Variants in SND1 observed in about 807,000 individuals in gnomAD.
SND1 encodes staphylococcal nuclease domain-containing protein 1.
A neutral mutation model predicts 121.7 loss-of-function variants in SND1; 38 were observed. That is an observed-to-expected ratio of 0.31 (90% CI 0.24 to 0.41). The LOEUF is 0.41. Ranked by LOEUF, SND1 falls within the 10% of genes least tolerant of loss-of-function variation. SND1 has a pLI of 1.00. For missense variants in SND1, 868 were observed against 1,184.6 expected (o/e 0.73, Z 3.92); for synonymous variants, 401 against 447.4 (o/e 0.90, Z 1.31).
intron 10 of SND1, among the ~76,000 whole-genome samples, chr7:127,739,493 CCCTGG>C (rs1236841885): frequency 6.6e-6 from 1 of 152,136 alleles, no homozygotes; most frequent in Non-Finnish European, 1.5e-5. Flanking sequence ...TTCTGCCCTC[CCCTGG>C]CCTGCATCCT....
chr7:127,938,250 A>G (rs1801106884), intron 15 of SND1, among the ~76,000 whole-genome samples: 1 of 152,244 alleles, frequency 6.6e-6, no homozygotes, highest in Non-Finnish European at 1.5e-5. Context: ...AATTAACACA[A>G]TGAACAGATT....
At chr7:128,034,822 C>T (rs186563902) in intron 16 of SND1, among the ~76,000 whole-genome samples, 1 of 152,344 alleles carries the variant, frequency 6.6e-6, no homozygotes, top group East Asian at 1.9e-4. Flanking sequence ...CGTCGTTGCA[C>T]ACAGCCCTTC....
chr7:128,079,075 G>A (rs1793555865), intron 17 of SND1, among the ~76,000 whole-genome samples: 1 of 152,262 alleles, frequency 6.6e-6, no homozygotes, highest in South Asian at 2.1e-4. Context: ...GAGGCCGAGT[G>A]AGTCCCACTG....
At position 127,807,699 on chromosome 7, in the gene SND1, A is replaced by G. The variant is rs545649082; in HGVS notation, c.1242+126A>G. The G allele has an allele frequency of 3.0e-5, 22 of 734,574 alleles. 1 individual carries two copies. The highest frequency in any genetic ancestry group is 4.7e-5 in the Non-Finnish European group (20 of 421,070). 45.5% of individuals were successfully genotyped at this position (734,574 alleles called of 1,614,324 possible). ...CTTCTCCATCAAGTCAAATGGAATT[A>G]CTTTGATATGAAGAGAGGCGTGTTT... On this transcript the variant is annotated intron_variant, in intron 11 of 23. Transcript: ENST00000354725.
At position 128,087,064 on chromosome 7, in the gene SND1, T is replaced by A. The variant is rs757027476; in HGVS notation, c.2418+13T>A. ...GGTGCCCCAAGATGTGAGTCTGGAG[T>A]CTTCCTCCTTCCAAAGGGGACTATC... On this transcript the variant is annotated intron_variant, in intron 21 of 23. Transcript: ENST00000354725. 6.3e-7 allele frequency: 1 copy of A among 1,598,868 alleles called. No individual in the cohort carries two copies. Among genetic ancestry groups the A allele is most frequent in the Non-Finnish European group, 8.6e-7 (1 of 1,166,856 alleles).
intron 11 of SND1, among the ~76,000 whole-genome samples, chr7:127,836,255 T>C (rs1021323510): frequency 2.0e-5 from 3 of 152,190 alleles, no homozygotes; most frequent in African/African-American, 4.8e-5. Flanking sequence ...ACTTTCTAAA[T>C]GTGTTTATAA....
Position 127,652,358 on chromosome 7 carries a change from C to G in SND1, c.-16C>G, listed in dbSNP as rs776288485. The G allele has an allele frequency of 1.9e-6, 3 of 1,571,324 alleles. No homozygotes were observed. The highest frequency in any genetic ancestry group is 2.6e-6 in the Non-Finnish European group (3 of 1,153,368). ...TCCGGCCAGCCGCTCCACTCGTTGC[C>G]TTTGCATCTCCACACATGGCGTCCT... On this transcript the variant is annotated 5_prime_UTR_variant, in exon 1 of 24. Coordinates refer to ENST00000354725, the MANE Select transcript of SND1 (RefSeq NM_014390.4).
At chr7:127,870,063 T>C (rs1799552798) in intron 12 of SND1, among the ~76,000 whole-genome samples, 1 of 152,204 alleles carries the variant, frequency 6.6e-6, no homozygotes, top group Non-Finnish European at 1.5e-5. Flanking sequence ...ACTTGAGACC[T>C]GAGTTCTAGC....
intron 15 of SND1, among the ~76,000 whole-genome samples, chr7:127,969,720 T>TCCCC (rs1344280596): frequency 1.3e-5 from 2 of 152,096 alleles, no homozygotes; most frequent in Admixed American, 6.5e-5. Context: ...AGAGCAAGAC[T>TCCCC]CCGTCTCAAA....
chr7:128,089,340 C>T (rs766423245), intron 21 of SND1, 149 bp from the exon 22 acceptor site: 1 of 690,278 alleles, frequency 1.4e-6, no homozygotes, highest in Non-Finnish European at 2.4e-6. Context: ...AGGCATGAGC[C>T]ACCGTGCCTG....
intron 11 of SND1, among the ~76,000 whole-genome samples, chr7:127,839,615 A>C (rs769128148): frequency 6.6e-5 from 10 of 152,142 alleles, no homozygotes; most frequent in Non-Finnish European, 1.3e-4. Flanking sequence ...TCTATACTAA[A>C]CTATTCCAGA....
Position 128,034,738 on chromosome 7 carries a change from GC to G in SND1, c.1780-39759del, listed in dbSNP as rs549776490. 5.3e-5 allele frequency among the ~76,000 whole-genome samples: 8 copies of G among 152,292 alleles called. No homozygotes were observed. The South Asian group carries it at 1.5e-3, about 28-fold the overall frequency. ...GTCGAGCTCTACATCAGGCTGCTTTGCCCCCTGTAAGCCAGCTGGGCCAGGA... is the reference window on the plus strand; with the variant it reads ...GTCGAGCTCTACATCAGGCTGCTTTGCCCCTGTAAGCCAGCTGGGCCAGGA... On this transcript the variant is annotated intron_variant, in intron 16 of 23. Coordinates refer to ENST00000354725, the MANE Select transcript of SND1 (RefSeq NM_014390.4).
At chr7:127,870,502 A>T (rs995587192) in intron 12 of SND1, among the ~76,000 whole-genome samples, 9 of 152,196 alleles carry the variant, frequency 5.9e-5, no homozygotes, top group African/African-American at 1.9e-4. Flanking sequence ...CCTACTACAC[A>T]CAGAGGCTGT....
intron 16 of SND1, among the ~76,000 whole-genome samples, chr7:128,006,912 A>G (rs896750327): frequency 3.9e-5 from 6 of 152,214 alleles, no homozygotes; most frequent in Non-Finnish European, 1.5e-5. Flanking sequence ...TCTTTGTGTC[A>G]GCCCGAGCAC....
intron 11 of SND1, among the ~76,000 whole-genome samples, chr7:127,810,917 G>A (rs1798324817): frequency 6.6e-6 from 1 of 152,130 alleles, no homozygotes; most frequent in African/African-American, 2.4e-5. Flanking sequence ...CAATTTGTTT[G>A]GACAACTGGA....
chr7:127,837,421 T>G (rs1258122828), intron 11 of SND1, among the ~76,000 whole-genome samples: 1 of 152,268 alleles, frequency 6.6e-6, no homozygotes, highest in Non-Finnish European at 1.5e-5. Flanking sequence ...TTAATTTCAC[T>G]TGTTTCTTTT....
intron 15 of SND1, among the ~76,000 whole-genome samples, chr7:127,968,373 T>G (rs930286462): frequency 2.0e-5 from 3 of 152,220 alleles, no homozygotes; most frequent in Non-Finnish European, 4.4e-5. Flanking sequence ...GATATATGTA[T>G]GTAATGTTGG....
chr7:128,054,134 G>C (rs1793096740), intron 16 of SND1, among the ~76,000 whole-genome samples: 1 of 152,242 alleles, frequency 6.6e-6, no homozygotes, highest in Non-Finnish European at 1.5e-5. Flanking sequence ...ATGGTGGTCA[G>C]ATGGAGTGGC....
At chr7:127,897,585 A>G (rs905177768) in intron 13 of SND1, among the ~76,000 whole-genome samples, 4 of 152,138 alleles carry the variant, frequency 2.6e-5, no homozygotes, top group African/African-American at 9.7e-5. Flanking sequence ...AAGAGAAGGC[A>G]TGTTCTGTTT....
Sources: allele counts gnomAD v4.1 joint callset (sites outside exome capture counted in the v4.1 genomes callset), GRCh38; gene constraint gnomAD v4.1.1; transcripts MANE v1.5; gene names NCBI Gene and HGNC (gene_info 2026-07-23, HGNC 2026-07-21).